Variants in CNTNAP2 observed in about 807,000 individuals in gnomAD.
CNTNAP2 encodes the protein contactin-associated protein-like 2.
CNTNAP2 carries 98 observed loss-of-function variants against 155.2 expected under a neutral mutation model. The ratio of observed to expected loss-of-function variants is 0.63; its 90% CI spans 0.54 to 0.75. The LOEUF (loss-of-function observed/expected upper bound fraction) is 0.75, where lower values mean the gene tolerates loss of function less well. CNTNAP2 is among the 30% of genes least tolerant of loss of function. CNTNAP2 has a pLI of 0.00. For missense variants in CNTNAP2, 1,727 were observed against 1,688.1 expected (o/e 1.02, Z -0.40); for synonymous variants, 651 against 631.2 (o/e 1.03, Z -0.47).
intron 1 of CNTNAP2, among the ~76,000 whole-genome samples, chr7:146,466,389 T>C (rs1796717919): frequency 6.6e-6 from 1 of 152,188 alleles, no homozygotes; most frequent in Non-Finnish European, 1.5e-5. Context: ...ATACACAATT[T>C]CGTTACAGCA....
intron 1 of CNTNAP2, among the ~76,000 whole-genome samples, chr7:146,637,327 G>A (rs1443169908): frequency 6.6e-6 from 1 of 152,090 alleles, no homozygotes; most frequent in Non-Finnish European, 1.5e-5. Flanking sequence ...ATTAAACAAA[G>A]GAAGTCTTAA....
intron 1 of CNTNAP2, among the ~76,000 whole-genome samples, chr7:146,337,136 C>T (rs953533105): frequency 1.3e-5 from 2 of 151,934 alleles, no homozygotes; most frequent in Non-Finnish European, 2.9e-5. Flanking sequence ...ACCCAGGACC[C>T]CCCTGTCTTT....
At chr7:147,121,770 A>G (rs930604960) in intron 6 of CNTNAP2, 2 of 152,328 alleles carry the variant, frequency 1.3e-5, no homozygotes, top group Non-Finnish European at 2.9e-5. Flanking sequence ...TATAAATAAA[A>G]ATATATTCTC....
At chr7:147,977,087 T>C (rs2116864046) in intron 14 of CNTNAP2, among the ~76,000 whole-genome samples, 1 of 152,262 alleles carries the variant, frequency 6.6e-6, no homozygotes, top group Non-Finnish European at 1.5e-5. Context: ...CAAAACTCAC[T>C]GCACATAACT....
intron 5 of CNTNAP2, among the ~76,000 whole-genome samples, chr7:147,110,970 G>C (rs1800866233): frequency 6.6e-6 from 1 of 152,128 alleles, no homozygotes; most frequent in South Asian, 2.1e-4. Context: ...CACAATGATT[G>C]AACTAATTTC....
intron 15 of CNTNAP2, among the ~76,000 whole-genome samples, chr7:148,024,542 A>G: frequency 6.6e-6 from 1 of 152,182 alleles, no homozygotes; most frequent in Non-Finnish European, 1.5e-5. Flanking sequence ...TTTGTTCCTC[A>G]CATTATCAAT....
chr7:146,703,735 T>C (rs1394137766), intron 1 of CNTNAP2, among the ~76,000 whole-genome samples: 2 of 152,082 alleles, frequency 1.3e-5, no homozygotes, highest in East Asian at 3.9e-4. Flanking sequence ...TTCATGAAGG[T>C]TCCGTTCTCA....
chr7:148,050,045 C>A (rs1461296775), intron 15 of CNTNAP2, among the ~76,000 whole-genome samples: 2 of 152,218 alleles, frequency 1.3e-5, no homozygotes, highest in Non-Finnish European at 2.9e-5. Context: ...CCCTATGATC[C>A]CAGCTACTCG....
chr7:147,890,096 T>C (rs990582956), intron 13 of CNTNAP2, among the ~76,000 whole-genome samples: 2 of 152,156 alleles, frequency 1.3e-5, no homozygotes, highest in African/African-American at 4.8e-5. Flanking sequence ...TTCTAAATAA[T>C]CCCTGCACTG....
intron 9 of CNTNAP2, among the ~76,000 whole-genome samples, chr7:147,341,794 A>G (rs1795769010): frequency 6.6e-6 from 1 of 151,720 alleles, no homozygotes; most frequent in Admixed American, 6.6e-5. Context: ...ACACACACAC[A>G]CACACACAAA....
chr7:148,083,081 A>C (rs1226315847), intron 15 of CNTNAP2, among the ~76,000 whole-genome samples: 1 of 152,126 alleles, frequency 6.6e-6, no homozygotes, highest in Non-Finnish European at 1.5e-5. Flanking sequence ...GAGGGTATAC[A>C]GGACACTGGT....
chr7:147,539,567 T>G (rs540009545), intron 11 of CNTNAP2, among the ~76,000 whole-genome samples: 28 of 152,330 alleles, frequency 1.8e-4, no homozygotes, highest in African/African-American at 6.7e-4. Context: ...AGCTGAATTG[T>G]GTTGTGTTTT....
intron 13 of CNTNAP2, among the ~76,000 whole-genome samples, chr7:147,735,914 G>T (rs1263816609): frequency 6.6e-6 from 1 of 151,036 alleles, no homozygotes. Context: ...GCCTATGTGT[G>T]TCTCTGCACA....
At chr7:148,083,085 C>T (rs2116550892) in intron 15 of CNTNAP2, among the ~76,000 whole-genome samples, 1 of 152,212 alleles carries the variant, frequency 6.6e-6, no homozygotes, top group African/African-American at 2.4e-5. Flanking sequence ...GTATACAGGA[C>T]ACTGGTGTAT....
chr7:147,350,901 C>T (rs557211651), intron 9 of CNTNAP2, among the ~76,000 whole-genome samples: 1 of 151,784 alleles, frequency 6.6e-6, no homozygotes, highest in African/African-American at 2.4e-5. Flanking sequence ...TTGACCAATA[C>T]CTATAAGTCC....
intron 1 of CNTNAP2, among the ~76,000 whole-genome samples, chr7:146,314,514 G>A (rs760137760): frequency 7.2e-5 from 11 of 152,130 alleles, no homozygotes; most frequent in Admixed American, 6.5e-5. Context: ...ATAGATGCCT[G>A]TACCCTTGAT....
intron 8 of CNTNAP2, among the ~76,000 whole-genome samples, chr7:147,246,214 C>T (rs887214638): frequency 2.6e-5 from 4 of 151,752 alleles, no homozygotes; most frequent in Non-Finnish European, 4.4e-5. Context: ...ACGTTGGAGG[C>T]CCAGGGAAGA....
intron 3 of CNTNAP2, among the ~76,000 whole-genome samples, chr7:147,008,071 G>A (rs898737770): frequency 3.3e-5 from 5 of 151,952 alleles, no homozygotes; most frequent in Admixed American, 1.3e-4. Context: ...ACCTAATTTG[G>A]GGTGGCCCCA....
At chr7:146,417,030 T>C (rs368697609) in intron 1 of CNTNAP2, among the ~76,000 whole-genome samples, 6 of 152,132 alleles carry the variant, frequency 3.9e-5, no homozygotes, top group Non-Finnish European at 5.9e-5. Context: ...TAAAATATTA[T>C]GCTGTGGACT....
Sources: allele counts gnomAD v4.1 joint callset (sites outside exome capture counted in the v4.1 genomes callset), GRCh38; gene constraint gnomAD v4.1.1; transcripts MANE v1.5; gene names NCBI Gene and HGNC (gene_info 2026-07-23, HGNC 2026-07-21).